SLC39A14: variants seen among roughly 807,000 people sequenced by gnomAD.
SLC39A14 encodes solute carrier family 39 member 14, also known as metal cation symporter ZIP14.
SLC39A14 carries 19 observed loss-of-function variants against 45.5 expected under a neutral mutation model. The observed-to-expected ratio is 0.42, with a 90% CI of 0.29 to 0.61. SLC39A14 has a LOEUF of 0.61. Among genes scored for constraint, SLC39A14 ranks in the 20% least tolerant of loss-of-function variants. SLC39A14 has a pLI of 0.22. For synonymous variants in SLC39A14, 264 were observed against 251.3 expected, an observed-to-expected ratio of 1.05 and a Z score of -0.48; for missense variants, 447 against 616.5, an observed-to-expected ratio of 0.73 and a Z score of 2.91.
chr8:22,432,400 GTC>G (rs67943452), intron 8 of SLC39A14, among the ~76,000 whole-genome samples: 47,027 of 151,568 alleles, frequency 0.31, 7,502 homozygotes, highest in East Asian at 0.5. Context: ...CTTTCACTCT[GTC>G]TCTCTTTCTC....
intron 5 of SLC39A14, chr8:22,415,444 T>C (rs117518283): frequency 1.3e-4 from 33 of 251,528 alleles, no homozygotes; most frequent in Non-Finnish European, 2.3e-4. Context: ...CACCAGGTCC[T>C]TCGCACTTGG....
intron 1 of SLC39A14, among the ~76,000 whole-genome samples, chr8:22,379,927 C>CAAAAAAAA (rs35093772): frequency 1.1e-5 from 1 of 87,966 alleles, no homozygotes; most frequent in East Asian, 2.9e-4. Flanking sequence ...GACTCCATCT[C>CAAAAAAAA]AAAAAAAAAA....
Position 22,404,785 on chromosome 8 carries a change from C to A in SLC39A14, c.75C>A (p.Thr25=). 2 of 1,613,434 alleles carry A rather than the reference C, an allele frequency of 1.2e-6. No homozygotes were observed. The highest frequency in any genetic ancestry group is 4.5e-5 in the East Asian group (2 of 44,872). Residue 25 remains threonine (T), a synonymous_variant, in exon 2 of 9, where the codon ACC becomes ACA. Coordinates refer to ENST00000381237, the MANE Select transcript of SLC39A14 (RefSeq NM_001128431.4). ...CCCTGCTTGGCTTATGGAGAACCAC[C>A]CCTGAGGCTCACGCTTCATCCCTGG... The part of the protein sequence containing the change: ...LLTLLGLWRT[T]PEAHASSLGA...
intron 1 of SLC39A14, among the ~76,000 whole-genome samples, chr8:22,393,962 C>T (rs576594326): frequency 2.4e-4 from 36 of 151,874 alleles, no homozygotes; most frequent in Admixed American, 2.3e-3. Context: ...CATGGGCCAC[C>T]GCCCCCAGCC....
chr8:22,417,241 C>T (rs997980129), intron 7 of SLC39A14, among the ~76,000 whole-genome samples: 19 of 152,328 alleles, frequency 1.2e-4, no homozygotes, highest in Admixed American at 4.6e-4. Flanking sequence ...CCTTCTGTTT[C>T]ACTATGAATC....
At chr8:22,399,864 G>T (rs1305288554) in intron 1 of SLC39A14, among the ~76,000 whole-genome samples, 1 of 152,254 alleles carries the variant, frequency 6.6e-6, no homozygotes, top group Non-Finnish European at 1.5e-5. Context: ...GTCTTTTGGG[G>T]TTTGTTTGCT....
downstream of SLC39A14, among the ~76,000 whole-genome samples, chr8:22,425,579 C>T (rs141101257): frequency 3.7e-3 from 559 of 150,920 alleles, 3 homozygotes; most frequent in Non-Finnish European, 5.7e-3. Flanking sequence ...TGGTTGGGAG[C>T]GATCCACAGG....
intron 1 of SLC39A14, among the ~76,000 whole-genome samples, chr8:22,369,810 C>T (rs564731572): frequency 2.6e-4 from 39 of 152,214 alleles, no homozygotes; most frequent in African/African-American, 9.2e-4. Context: ...TTCTCATCGT[C>T]ATAATTTTTG....
At chr8:22,415,622 T>G in intron 5 of SLC39A14, 147 bp from the exon 6 acceptor site, 1 of 684,936 alleles carries the variant, frequency 1.5e-6, no homozygotes, top group Non-Finnish European at 2.4e-6. Context: ...GCTTTTGCTA[T>G]GTTTCTGGGC....
intron 4 of SLC39A14, among the ~76,000 whole-genome samples, chr8:22,413,817 C>G (rs1203500782): frequency 6.6e-6 from 1 of 152,178 alleles, no homozygotes; most frequent in Non-Finnish European, 1.5e-5. Flanking sequence ...CTCTGTCACC[C>G]AGACTGGAGT....
chr8:22,378,949 C>A (rs1264018805), intron 1 of SLC39A14, among the ~76,000 whole-genome samples: 8 of 152,192 alleles, frequency 5.3e-5, no homozygotes, highest in Non-Finnish European at 7.3e-5. Context: ...TTAAAAACGA[C>A]AGAAATGTAT....
At chr8:22,415,296 G>T in intron 5 of SLC39A14, 1 of 209,440 alleles carries the variant, frequency 4.8e-6, no homozygotes, top group Non-Finnish European at 9.3e-6. Context: ...TTAGTGGCTG[G>T]CATGCAGTTA....
intron 1 of SLC39A14, among the ~76,000 whole-genome samples, chr8:22,391,541 C>G (rs1434052349): frequency 6.6e-6 from 1 of 151,654 alleles, no homozygotes; most frequent in African/African-American, 2.4e-5. Flanking sequence ...GATAGAATGT[C>G]CTTGGAAAGT....
chr8:22,368,737 C>T (rs551708971), intron 1 of SLC39A14, among the ~76,000 whole-genome samples: 4 of 152,098 alleles, frequency 2.6e-5, no homozygotes, highest in Non-Finnish European at 4.4e-5. Flanking sequence ...GGGGTTTCAC[C>T]GTGTTAGCCA....
chr8:22,400,931 T>C (rs1834817324), intron 1 of SLC39A14, among the ~76,000 whole-genome samples: 1 of 152,256 alleles, frequency 6.6e-6, no homozygotes, highest in Non-Finnish European at 1.5e-5. Flanking sequence ...TAAATTTTAT[T>C]GAGTGCTTTC....
intron 1 of SLC39A14, among the ~76,000 whole-genome samples, chr8:22,380,951 C>T (rs114824587): frequency 0.021 from 3,214 of 151,876 alleles, 114 homozygotes; most frequent in African/African-American, 0.075. Flanking sequence ...GCTGGAATTA[C>T]GGGAGTGAGC....
rs1200275833 is a variant in SLC39A14, at chr8:22,422,726, A to G, written c.*3028A>G. 1 of 985,058 alleles carries G rather than the reference A, an allele frequency of 1.0e-6. No individual in the cohort carries two copies. The highest frequency in any genetic ancestry group is 1.7e-5 in the African/African-American group (1 of 57,240). The allele number at this position is 985,058 out of a possible 1,614,324, so 61.0% of individuals were successfully genotyped here. A position where few individuals can be genotyped will look rare whatever the true frequency, so the allele number is the denominator to read the frequency against. On this transcript the variant is annotated 3_prime_UTR_variant, in exon 9 of 9. Coordinates refer to ENST00000381237, the MANE Select transcript of SLC39A14 (RefSeq NM_001128431.4). The stretch of plus-strand genomic sequence containing the variant: ...TTTGCAATAAATGTGGATGTAATGA[A>G]GGCTGTTGAACACAAGGTGGCGATG...
chr8:22,368,668 C>T (rs901090223), intron 1 of SLC39A14, among the ~76,000 whole-genome samples: 9 of 152,136 alleles, frequency 5.9e-5, no homozygotes, highest in Admixed American at 1.3e-4. Flanking sequence ...TCCCGAGTAG[C>T]TGGGACTACA....
At chr8:22,424,892 G>A (rs1836356919), downstream of SLC39A14, among the ~76,000 whole-genome samples, 2 of 152,076 alleles carry the variant, frequency 1.3e-5, no homozygotes, top group Non-Finnish European at 2.9e-5. Context: ...AGCCGGGCAT[G>A]GTGGTGTGCC....
Sources: allele counts gnomAD v4.1 joint callset (sites outside exome capture counted in the v4.1 genomes callset), GRCh38; gene constraint gnomAD v4.1.1; transcripts MANE v1.5; gene names NCBI Gene and HGNC (gene_info 2026-07-23, HGNC 2026-07-21).